EEFSEC: variants seen among roughly 807,000 people sequenced by gnomAD.
The protein encoded by EEFSEC is selenocysteine-specific elongation factor.
In EEFSEC, 43 loss-of-function variants were observed where a neutral mutation model predicts 42.1. The ratio of observed to expected loss-of-function variants is 1.02; its 90% CI spans 0.80 to 1.32. The LOEUF (loss-of-function observed/expected upper bound fraction) is 1.32. Among genes scored for constraint, EEFSEC ranks in the 40% most tolerant of loss-of-function variants. The probability of loss-of-function intolerance (pLI) is 0.00; values close to 1 mark genes in which losing one functional copy is unlikely to be tolerated. For synonymous variants in EEFSEC, 354 were observed against 339.1 expected (o/e 1.04, Z -0.48); for missense variants, 745 against 803.6 (o/e 0.93, Z 0.88).
chr3:128,254,543 T>A (rs914544995), intron 2 of EEFSEC, among the ~76,000 whole-genome samples: 5 of 152,102 alleles, frequency 3.3e-5, no homozygotes, highest in Non-Finnish European at 4.4e-5. Flanking sequence ...TGGAAATTAG[T>A]CCTAGGTTTC....
intron 5 of EEFSEC, among the ~76,000 whole-genome samples, chr3:128,347,902 T>C (rs942138942): frequency 6.6e-6 from 1 of 152,230 alleles, no homozygotes; most frequent in Non-Finnish European, 1.5e-5. Context: ...AGGCAGAATA[T>C]ATTCAATAAG....
In EEFSEC at chr3:128,376,397, C is replaced by T. The variant is rs139185848; in HGVS notation, c.1600+18024C>T. On this transcript the variant is annotated intron_variant, in intron 6 of 6. Coordinates refer to ENST00000254730, the MANE Select transcript of EEFSEC (RefSeq NM_021937.5). ...CACCCTAACCTGCACAGCCACAGCC[C>T]TTCCCAGGGCCCCGCAGCATTCTGG... Among the ~76,000 whole-genome samples the T allele has an allele frequency of 2.6e-3, 402 of 152,340 alleles. 4 individuals are homozygous for T. Among genetic ancestry groups the T allele is most frequent in the Non-Finnish European group, 9.1e-4 (62 of 68,034 alleles).
At chr3:128,207,054 T>C (rs1295023759) in intron 1 of EEFSEC, among the ~76,000 whole-genome samples, 5 of 152,090 alleles carry the variant, frequency 3.3e-5, no homozygotes. Context: ...GATATCAGAG[T>C]GAAGAAGAGT....
chr3:128,305,872 G>A (rs1003102824), intron 4 of EEFSEC, among the ~76,000 whole-genome samples: 1 of 152,032 alleles, frequency 6.6e-6, no homozygotes, highest in African/African-American at 2.4e-5. Context: ...TAAATACATT[G>A]ATCATATAAT....
chr3:128,286,825 A>G (rs573801036), intron 4 of EEFSEC, among the ~76,000 whole-genome samples: 2 of 152,368 alleles, frequency 1.3e-5, no homozygotes, highest in Non-Finnish European at 2.9e-5. Context: ...CCATATGTGC[A>G]TATCTACCAT....
chr3:128,258,079 G>C (rs1480038775), intron 2 of EEFSEC, among the ~76,000 whole-genome samples: 1 of 150,796 alleles, frequency 6.6e-6, no homozygotes, highest in Non-Finnish European at 1.5e-5. Flanking sequence ...AAATAGCTTA[G>C]ATGGCACACA....
intron 1 of EEFSEC, among the ~76,000 whole-genome samples, chr3:128,158,230 A>G (rs1944413247): frequency 6.6e-6 from 1 of 152,204 alleles, no homozygotes; most frequent in Admixed American, 6.5e-5. Context: ...ATGAGCAAAG[A>G]AAGTAGTTTC....
intron 6 of EEFSEC, among the ~76,000 whole-genome samples, chr3:128,393,674 G>A (rs991418747): frequency 6.6e-6 from 1 of 152,236 alleles, no homozygotes; most frequent in African/African-American, 2.4e-5. Context: ...AAGAAAAGAC[G>A]CACAGTGCCA....
intron 4 of EEFSEC, among the ~76,000 whole-genome samples, chr3:128,313,626 A>G (rs1382934337): frequency 1.3e-5 from 2 of 152,236 alleles, no homozygotes; most frequent in Non-Finnish European, 2.9e-5. Flanking sequence ...GGCTTTGGCA[A>G]GTCAGGCTCT....
At chr3:128,244,730 G>C (rs2066109213) in intron 1 of EEFSEC, among the ~76,000 whole-genome samples, 1 of 152,084 alleles carries the variant, frequency 6.6e-6, no homozygotes, top group African/African-American at 2.4e-5. Flanking sequence ...TATTTTATGT[G>C]TGTCGAAGCA....
At chr3:128,328,461 C>T (rs1173219696) in intron 4 of EEFSEC, among the ~76,000 whole-genome samples, 1 of 152,192 alleles carries the variant, frequency 6.6e-6, no homozygotes, top group African/African-American at 2.4e-5. Flanking sequence ...ACCCCAGGAC[C>T]AAGGAGTGGG....
chr3:128,188,270 G>C lies in EEFSEC; in HGVS notation c.316+34447G>C, dbSNP rs112108137. ...GTGCAGTTTCAAGGAGACAGGGAACGAAAGAGGTACTTGGAACAGAATGGG... is the reference window on the plus strand; with the variant it reads ...GTGCAGTTTCAAGGAGACAGGGAACCAAAGAGGTACTTGGAACAGAATGGG... On this transcript the variant is annotated intron_variant, in intron 1 of 6. Coordinates refer to ENST00000254730, the MANE Select transcript of EEFSEC (RefSeq NM_021937.5). Among the ~76,000 whole-genome samples the C allele has an allele frequency of 4.2e-3, 646 of 152,268 alleles. 6 individuals carry two copies. The highest frequency in any genetic ancestry group is 0.02 in the Middle Eastern group (6 of 294).
chr3:128,374,405 C>G (rs1483735937), intron 6 of EEFSEC, among the ~76,000 whole-genome samples: 1 of 152,212 alleles, frequency 6.6e-6, no homozygotes, highest in African/African-American at 2.4e-5. Context: ...GTTATTATGG[C>G]CAACATTCAG....
chr3:128,376,244 C>A (rs1459563587), intron 6 of EEFSEC, among the ~76,000 whole-genome samples: 1 of 152,208 alleles, frequency 6.6e-6, no homozygotes, highest in East Asian at 1.9e-4. Flanking sequence ...CTTTTGCAAC[C>A]CTGCATCCCC....
intron 1 of EEFSEC, among the ~76,000 whole-genome samples, chr3:128,227,261 G>A (rs150473355): frequency 6.6e-6 from 1 of 152,260 alleles, no homozygotes; most frequent in East Asian, 1.9e-4. Context: ...CCCTTTTCAT[G>A]AAGGAATTCT....
At chr3:128,329,328 G>A (rs2108052538) in intron 4 of EEFSEC, among the ~76,000 whole-genome samples, 1 of 152,302 alleles carries the variant, frequency 6.6e-6, no homozygotes, top group African/African-American at 2.4e-5. Flanking sequence ...GCACTGGGGT[G>A]CAGGGGATCA....
chr3:128,262,904 G>A (rs1164454042), intron 3 of EEFSEC, among the ~76,000 whole-genome samples: 1 of 152,198 alleles, frequency 6.6e-6, no homozygotes, highest in Non-Finnish European at 1.5e-5. Context: ...GTTCAGCCGG[G>A]TGGAGTAGCA....
At chr3:128,342,876 A>C (rs1390601217) in intron 5 of EEFSEC, among the ~76,000 whole-genome samples, 1 of 152,210 alleles carries the variant, frequency 6.6e-6, no homozygotes, top group Non-Finnish European at 1.5e-5. Context: ...CTGAGTGGGA[A>C]TCCATGCCCA....
rs575748508 is a variant in EEFSEC at position 128,336,619 on chromosome 3, C to T, written c.787-4614C>T. 7.2e-5 allele frequency among the ~76,000 whole-genome samples: 11 copies of T among 152,316 alleles called. No homozygotes were observed. In the East Asian group the frequency reaches 2.1e-3, roughly 29 times the overall value. On this transcript the variant is annotated intron_variant, in intron 4 of 6. Coordinates refer to ENST00000254730, the MANE Select transcript of EEFSEC (RefSeq NM_021937.5). The stretch of plus-strand genomic sequence containing the variant: ...GGGCCTTAGGCCTGCTCTGCTCTTC[C>T]CTCTGCCTGGAATCCCTGTGGGTGG...
Sources: gnomAD v4.1 joint callset for allele counts (sites outside exome capture counted in the v4.1 genomes callset) on GRCh38, gnomAD v4.1.1 for gene constraint, MANE v1.5 for transcripts, NCBI Gene and HGNC (gene_info 2026-07-23, HGNC 2026-07-21) for gene names.